The following CNTLN variants were observed in gnomAD, a reference collection of about 807,000 sequenced individuals.
The protein encoded by CNTLN is centlein, centrosomal protein.
Under a neutral mutation model 180.0 loss-of-function variants are expected in CNTLN, and 212 were observed. That is an observed-to-expected ratio of 1.18 (90% CI 1.05 to 1.32). The LOEUF (loss-of-function observed/expected upper bound fraction) is 1.32. Among genes scored for constraint, CNTLN ranks in the 40% most tolerant of loss-of-function variants. The probability of loss-of-function intolerance (pLI) is 0.00; values close to 1 mark genes in which losing one functional copy is unlikely to be tolerated. For missense variants in CNTLN, 2,095 were observed against 1,610.9 expected (o/e 1.30, Z -5.14); for synonymous variants, 722 against 563.1 (o/e 1.28, Z -3.99).
chr9:17,152,743 T>C (rs1818978806), intron 2 of CNTLN, among the ~76,000 whole-genome samples: 1 of 152,218 alleles, frequency 6.6e-6, no homozygotes, highest in Non-Finnish European at 1.5e-5. Context: ...TTGATCTGTC[T>C]GATATTGACA....
Position 17,193,086 on chromosome 9 carries a change from T to C in CNTLN, c.450-33117T>C, listed in dbSNP as rs1587083491. Among the ~76,000 whole-genome samples the C allele has an allele frequency of 2.0e-5, 3 of 152,112 alleles. No individual in the cohort carries two copies. The East Asian group carries it at 5.8e-4, about 29-fold the overall frequency. ...ACTGTAAGAATAGTATGGGGGAAAC[T>C]GCCCCCATGATTCAGTTATCTCACC... On this transcript the variant is annotated intron_variant, in intron 2 of 25. Transcript: ENST00000380647.
intron 2 of CNTLN, among the ~76,000 whole-genome samples, chr9:17,163,333 T>C (rs1331067054): frequency 6.6e-6 from 1 of 152,190 alleles, no homozygotes; most frequent in East Asian, 1.9e-4. Flanking sequence ...CATTGTTTTA[T>C]TGTTATGATA....
At chr9:17,429,429 A>C (rs1476180862) in intron 18 of CNTLN, among the ~76,000 whole-genome samples, 1 of 152,084 alleles carries the variant, frequency 6.6e-6, no homozygotes, top group Non-Finnish European at 1.5e-5. Context: ...TCTTCAATTA[A>C]TCATCTTCAG....
At chr9:17,205,388 G>A (rs1822845056) in intron 2 of CNTLN, among the ~76,000 whole-genome samples, 1 of 152,196 alleles carries the variant, frequency 6.6e-6, no homozygotes, top group African/African-American at 2.4e-5. Flanking sequence ...AACAGGAGAA[G>A]GGAAGAGACA....
downstream of CNTLN, among the ~76,000 whole-genome samples, chr9:17,505,356 A>G (rs891626935): frequency 6.6e-6 from 1 of 152,078 alleles, no homozygotes; most frequent in African/African-American, 2.4e-5. Context: ...AATAAAAGGC[A>G]TCCAGATTGG....
At chr9:17,268,967 C>T (rs1827727093) in intron 5 of CNTLN, among the ~76,000 whole-genome samples, 1 of 152,070 alleles carries the variant, frequency 6.6e-6, no homozygotes, top group Non-Finnish European at 1.5e-5. Context: ...AAAGGGAACT[C>T]CCTGACCCCT....
chr9:17,415,604 C>T (rs1462950168), intron 16 of CNTLN, among the ~76,000 whole-genome samples, 184 bp from the exon 17 acceptor site: 3 of 152,016 alleles, frequency 2.0e-5, no homozygotes, highest in African/African-American at 7.2e-5. Flanking sequence ...CAGTCTTGCT[C>T]TGTTGCCCAG....
intron 9 of CNTLN, 145 bp from the exon 10 acceptor site, chr9:17,332,460 G>A: frequency 1.5e-6 from 1 of 686,766 alleles, no homozygotes; most frequent in Non-Finnish European, 2.3e-6. Flanking sequence ...AATTCCGCTT[G>A]TTATTTCTCT....
intron 15 of CNTLN, among the ~76,000 whole-genome samples, chr9:17,406,902 GTTTGT>G (rs1310832249): frequency 6.6e-6 from 1 of 151,526 alleles, no homozygotes; most frequent in African/African-American, 2.4e-5. Flanking sequence ...AATCTAAACA[GTTTGT>G]TTTGAGAGTG....
At chr9:17,268,791 C>T (rs1827708221) in intron 5 of CNTLN, among the ~76,000 whole-genome samples, 1 of 151,902 alleles carries the variant, frequency 6.6e-6, no homozygotes, top group Non-Finnish European at 1.5e-5. Context: ...TGGTCTCAGA[C>T]TGCTGTGCTA....
At chr9:17,325,529 G>A (rs946801548) in intron 8 of CNTLN, among the ~76,000 whole-genome samples, 1 of 138,798 alleles carries the variant, frequency 7.2e-6, no homozygotes, top group African/African-American at 2.6e-5. Context: ...TGTTAGATAT[G>A]TTATATACAC....
chr9:17,161,822 G>A (rs1819700271), intron 2 of CNTLN, among the ~76,000 whole-genome samples: 1 of 152,188 alleles, frequency 6.6e-6, no homozygotes, highest in African/African-American at 2.4e-5. Context: ...ATAATCTCAG[G>A]AAGTGAATTA....
intron 5 of CNTLN, among the ~76,000 whole-genome samples, chr9:17,263,880 T>C (rs1156287997): frequency 7.2e-6 from 1 of 139,204 alleles, no homozygotes; most frequent in African/African-American, 2.9e-5. Context: ...GCCCACTTTT[T>C]GATGGGGTTG....
chr9:17,246,997 G>C (rs1825835642), intron 5 of CNTLN, among the ~76,000 whole-genome samples: 1 of 152,088 alleles, frequency 6.6e-6, no homozygotes, highest in Admixed American at 6.5e-5. Context: ...GGCTCAGCTG[G>C]TGTCTAAGTT....
At chr9:17,189,272 C>A (rs1298208560) in intron 2 of CNTLN, among the ~76,000 whole-genome samples, 7 of 150,586 alleles carry the variant, frequency 4.6e-5, no homozygotes, top group Non-Finnish European at 8.9e-5. Context: ...TTAGTAGAGA[C>A]GGGGTTTCAC....
intron 2 of CNTLN, among the ~76,000 whole-genome samples, chr9:17,199,488 G>A (rs1822374864): frequency 6.6e-6 from 1 of 152,144 alleles, no homozygotes; most frequent in Non-Finnish European, 1.5e-5. Flanking sequence ...TGGGATTACA[G>A]GCGTAAGCCA....
Position 17,484,460 on chromosome 9 carries a change from T to C in CNTLN, c.4021T>C (p.Leu1341=). 3.7e-6 allele frequency: 6 copies of C among 1,601,416 alleles called. No homozygotes were observed. The highest frequency in any genetic ancestry group is 5.1e-6 in the Non-Finnish European group (6 of 1,177,014). Residue 1341 remains leucine (L), a synonymous_variant, in exon 24 of 26, where the codon TTA becomes CTA. Transcript: ENST00000380647. ...TTCACGGTCAGATTTAGAGGAAATA[T>C]TAGACACAGAAGATCAAGTGGTAAG... ...NISRSDLEEI[L]DTEDQVEIEK...
At chr9:17,428,064 A>G (rs1829202401) in intron 18 of CNTLN, among the ~76,000 whole-genome samples, 1 of 152,172 alleles carries the variant, frequency 6.6e-6, no homozygotes, top group Non-Finnish European at 1.5e-5. Flanking sequence ...TTAGGGATAA[A>G]GGGAGAGAAT....
chr9:17,349,409 A>G (rs1822178661), intron 12 of CNTLN, among the ~76,000 whole-genome samples: 1 of 152,166 alleles, frequency 6.6e-6, no homozygotes, highest in Non-Finnish European at 1.5e-5. Flanking sequence ...TAAGGTTAGA[A>G]TCTACAAAAA....
Sources: gnomAD v4.1 joint callset for allele counts (sites outside exome capture counted in the v4.1 genomes callset) on GRCh38, gnomAD v4.1.1 for gene constraint, MANE v1.5 for transcripts, NCBI Gene and HGNC (gene_info 2026-07-23, HGNC 2026-07-21) for gene names.